The following RBFOX1 variants were observed in gnomAD, a reference collection of about 807,000 sequenced individuals.
The protein encoded by RBFOX1 is RNA binding protein fox-1 homolog 1.
In RBFOX1, 8 loss-of-function variants were observed where a neutral mutation model predicts 57.7. The observed-to-expected ratio is 0.14, with a 90% CI of 0.08 to 0.25. The LOEUF is 0.25. RBFOX1 is among the 10% of genes least tolerant of loss of function. The pLI is 1.00. For missense variants in RBFOX1, 611 were observed against 548.5 expected, an observed-to-expected ratio of 1.11 and a Z score of -1.14; for synonymous variants, 326 against 222.4, an observed-to-expected ratio of 1.47 and a Z score of -4.15.
intron 6 of RBFOX1, among the ~76,000 whole-genome samples, chr16:7,580,757 G>A (rs940141731): frequency 2.9e-4 from 44 of 152,188 alleles, no homozygotes; most frequent in Non-Finnish European, 5.9e-5. Flanking sequence ...TTCCACCAAA[G>A]GACAAAGCTG....
chr16:5,630,625 C>A (rs2048477886), intron 3 of RBFOX1, among the ~76,000 whole-genome samples: 2 of 152,088 alleles, frequency 1.3e-5, no homozygotes, highest in African/African-American at 2.4e-5. Context: ...ACTGAAGTTT[C>A]CATTGATTGG....
chr16:5,870,731 A>G (rs1196242086), intron 4 of RBFOX1, among the ~76,000 whole-genome samples: 1 of 151,760 alleles, frequency 6.6e-6, no homozygotes, highest in Non-Finnish European at 1.5e-5. Context: ...TGAATTTCTA[A>G]TGGCAATTCA....
At chr16:7,569,746 G>A (rs1016612162) in intron 5 of RBFOX1, among the ~76,000 whole-genome samples, 3 of 152,154 alleles carry the variant, frequency 2.0e-5, no homozygotes, top group African/African-American at 7.2e-5. Flanking sequence ...GCTCATGCCT[G>A]TAATCCCAAC....
At chr16:6,989,885 C>G (rs1164703015) in intron 3 of RBFOX1, among the ~76,000 whole-genome samples, 1 of 151,994 alleles carries the variant, frequency 6.6e-6, no homozygotes, top group South Asian at 2.1e-4. Context: ...CGTATAATCC[C>G]AGCTACTCGG....
At chr16:6,284,100 C>T (rs1444181465) in intron 1 of RBFOX1, among the ~76,000 whole-genome samples, 2 of 152,228 alleles carry the variant, frequency 1.3e-5, no homozygotes, top group Non-Finnish European at 2.9e-5. Flanking sequence ...ATTAGACTCA[C>T]ACAACATCTA....
chr16:6,427,885 C>A (rs979601013), intron 2 of RBFOX1, among the ~76,000 whole-genome samples: 1 of 152,140 alleles, frequency 6.6e-6, no homozygotes, highest in African/African-American at 2.4e-5. Flanking sequence ...GAGCAAATCA[C>A]ACCCTGGTCC....
intron 4 of RBFOX1, among the ~76,000 whole-genome samples, chr16:7,218,667 T>TGCGTGC (rs1567757360): frequency 2.8e-4 from 42 of 148,196 alleles, no homozygotes; most frequent in African/African-American, 1.0e-3. Flanking sequence ...TGTGTGTGTG[T>TGCGTGC]GTGTGTGTGT....
intron 2 of RBFOX1, among the ~76,000 whole-genome samples, chr16:6,338,557 TA>T (rs931672905): frequency 2.0e-5 from 3 of 152,214 alleles, no homozygotes; most frequent in Non-Finnish European, 2.9e-5. Flanking sequence ...GGGACTAAAA[TA>T]TTTTTTTAAA....
intron 3 of RBFOX1, among the ~76,000 whole-genome samples, chr16:6,965,944 G>C (rs2084044583): frequency 6.6e-6 from 1 of 152,172 alleles, no homozygotes; most frequent in Non-Finnish European, 1.5e-5. Context: ...GGGGGATCCA[G>C]TGCCAGGTTT....
intron 4 of RBFOX1, among the ~76,000 whole-genome samples, chr16:5,941,466 G>A (rs1450251195): frequency 6.6e-6 from 1 of 151,540 alleles, no homozygotes; most frequent in Non-Finnish European, 1.5e-5. Flanking sequence ...CTCCAGCCTG[G>A]GTGACAAAGC....
Position 7,712,192 on chromosome 16 carries a change from T to A in RBFOX1, c.*1447T>A, listed in dbSNP as rs1021865839. On this transcript the variant is annotated 3_prime_UTR_variant, in exon 16 of 16. Coordinates refer to ENST00000550418, the MANE Select transcript of RBFOX1 (RefSeq NM_018723.4). ...GTTTACAAGTTAACTTAAGTTGGGGTATCCGTCACGGGTCTTCCTGTTTTG... is the reference window on the plus strand; with the variant it reads ...GTTTACAAGTTAACTTAAGTTGGGGAATCCGTCACGGGTCTTCCTGTTTTG... The A allele has an allele frequency of 1.9e-4, 29 of 152,544 alleles. No individual in the cohort carries two copies. Among genetic ancestry groups the A allele is most frequent in the African/African-American group, 7.0e-4 (29 of 41,426 alleles). The allele number at this position is 152,544 out of a possible 1,614,324, so 9.4% of individuals were successfully genotyped here. A position where few individuals can be genotyped will look rare whatever the true frequency, so the allele number is the denominator to read the frequency against.
chr16:7,395,763 A>G (rs542265655), intron 4 of RBFOX1, among the ~76,000 whole-genome samples: 8 of 152,342 alleles, frequency 5.3e-5, no homozygotes, highest in South Asian at 4.1e-4. Flanking sequence ...GCAATCTGCA[A>G]TAAGTTATGA....
chr16:7,190,251 C>T (rs1245025266), intron 4 of RBFOX1, among the ~76,000 whole-genome samples: 1 of 151,990 alleles, frequency 6.6e-6, no homozygotes, highest in Non-Finnish European at 1.5e-5. Context: ...CCCAGCGACT[C>T]GGGAGGCTGA....
chr16:7,699,476 G>GC (rs1438569998), intron 14 of RBFOX1, among the ~76,000 whole-genome samples: 7 of 152,116 alleles, frequency 4.6e-5, no homozygotes, highest in East Asian at 3.9e-4. Flanking sequence ...ACAGGCACGG[G>GC]CCCACCACAC....
At chr16:7,485,043 G>C (rs12444631) in intron 4 of RBFOX1, among the ~76,000 whole-genome samples, 1 of 142,890 alleles carries the variant, frequency 7.0e-6, no homozygotes, top group Non-Finnish European at 1.5e-5. Context: ...GCAGGGTTAC[G>C]TTCCCCAACA....
At chr16:6,362,028 G>GTTC (rs1158569901) in intron 2 of RBFOX1, among the ~76,000 whole-genome samples, 1 of 152,096 alleles carries the variant, frequency 6.6e-6, no homozygotes, top group East Asian at 1.9e-4. Flanking sequence ...AGGAGCTTAT[G>GTTC]TTCTAGTGTC....
chr16:6,732,880 G>C (rs1159935041), intron 3 of RBFOX1, among the ~76,000 whole-genome samples: 1 of 152,180 alleles, frequency 6.6e-6, no homozygotes, highest in Non-Finnish European at 1.5e-5. Flanking sequence ...ATTTGCATCT[G>C]AAAGTTTGTT....
intron 1 of RBFOX1, among the ~76,000 whole-genome samples, chr16:5,253,648 G>A (rs1054760537): frequency 1.3e-5 from 2 of 152,326 alleles, no homozygotes; most frequent in East Asian, 1.9e-4. Context: ...GCTTTTAGGA[G>A]ATAGTTTCTA....
intron 1 of RBFOX1, among the ~76,000 whole-genome samples, chr16:5,315,123 G>A (rs1404837498): frequency 6.6e-6 from 1 of 152,176 alleles, no homozygotes; most frequent in Non-Finnish European, 1.5e-5. Flanking sequence ...CCATTTGGAA[G>A]ACGCATAAAG....
Sources: allele counts gnomAD v4.1 joint callset (sites outside exome capture counted in the v4.1 genomes callset), GRCh38; gene constraint gnomAD v4.1.1; transcripts MANE v1.5; gene names NCBI Gene and HGNC (gene_info 2026-07-23, HGNC 2026-07-21).